POGZ: variants seen among roughly 807,000 people sequenced by gnomAD.
POGZ encodes the protein pogo transposable element with ZNF domain.
A neutral mutation model predicts 134.6 loss-of-function variants in POGZ; 17 were observed. The ratio of observed to expected loss-of-function variants is 0.13; its 90% CI spans 0.09 to 0.19. POGZ has a LOEUF of 0.19. Among genes scored for constraint, POGZ ranks in the 10% least tolerant of loss-of-function variants. The probability of loss-of-function intolerance (pLI) is 1.00; values close to 1 mark genes in which losing one functional copy is unlikely to be tolerated. For synonymous variants in POGZ, 693 were observed against 657.1 expected (o/e 1.05, Z -0.84); for missense variants, 1,306 against 1,769.7 (o/e 0.74, Z 4.70).
chr1:151,433,606 C>CAAAAA (rs57509550), intron 3 of POGZ, among the ~76,000 whole-genome samples: 30 of 81,710 alleles, frequency 3.7e-4, no homozygotes, highest in East Asian at 1.2e-3. Context: ...AATTCCGTCT[C>CAAAAA]AAAAAAAAAA....
At position 151,428,132 on chromosome 1, in the gene POGZ, G is replaced by A. The variant is rs1333607865; in HGVS notation, c.850C>T (p.Pro284Ser). ...TCTTCCGAAGCCTTACCTAGCTTGG[G>A]ATTCGTGGTCTGGTTTGACTGGCCT... Reference protein sequence around the residue: ...SPGQSNQTTNPKLAPSFPSPP... With the variant: ...SPGQSNQTTNSKLAPSFPSPP... The change falls in exon 6 of 19, where the codon CCC becomes TCC. Residue 284 changes from proline to serine, a missense_variant. Coordinates refer to ENST00000271715, the MANE Select transcript of POGZ (RefSeq NM_015100.4). The A allele has an allele frequency of 9.3e-6, 15 of 1,613,970 alleles. No homozygotes were observed. Among genetic ancestry groups the A allele is most frequent in the Non-Finnish European group, 1.3e-5 (15 of 1,179,964 alleles).
intron 1 of POGZ, among the ~76,000 whole-genome samples, chr1:151,443,886 G>A (rs878983382): frequency 6.6e-6 from 1 of 152,130 alleles, no homozygotes; most frequent in Non-Finnish European, 1.5e-5. Context: ...TTTACTGTAA[G>A]GCTCTAAGTG....
At chr1:151,409,199 G>A (rs540066545) in intron 12 of POGZ, among the ~76,000 whole-genome samples, 5 of 152,204 alleles carry the variant, frequency 3.3e-5, no homozygotes, top group Non-Finnish European at 2.9e-5. Flanking sequence ...AAAGGACAAT[G>A]TACATAGTAA....
rs1244179894 is a variant in POGZ, at chr1:151,405,074, G to A, written c.3961C>T (p.Arg1321Cys). Residue 1321 changes from arginine (R) to cysteine (C), a missense_variant, in exon 19 of 19, where the codon CGC becomes TGC. Arg to Cys is a radical substitution (Grantham distance 180). This residue lies in a region of POGZ where 67 missense variants were observed against 105.8 expected (regional missense o/e 0.63). Transcript: ENST00000271715. The surrounding 1 kb of genome is among the most constrained non-coding windows in gnomAD (Gnocchi z 4.9). ...VIGDCPELVQ[R>C]SFLVASVLPG... is the part of the protein sequence containing the mutation. ...AGAACACTAGCCACCAGGAAGGAGC[G>A]CTGAACTAGCTCTGGACAGTCCCCA... 5.0e-6 allele frequency: 8 copies of A among 1,614,076 alleles called. No homozygotes were observed. The highest frequency in any genetic ancestry group is 4.0e-5 in the African/African-American group (3 of 74,912).
At chr1:151,441,189 CA>C (rs1660470685) in intron 2 of POGZ, 103 bp from the exon 3 acceptor site, 1 of 847,918 alleles carries the variant, frequency 1.2e-6, no homozygotes, top group African/African-American at 1.7e-5. Context: ...TCTCTATAGC[CA>C]AAAAGTTTCC....
At chr1:151,425,225 G>C (rs1300578153) in intron 7 of POGZ, 164 bp from the exon 8 acceptor site, 3 of 488,914 alleles carry the variant, frequency 6.1e-6, no homozygotes, top group Middle Eastern at 6.0e-4. Context: ...TTTGAGACAC[G>C]GTCTCTCAGT....
intron 1 of POGZ, among the ~76,000 whole-genome samples, chr1:151,443,422 G>T (rs188939762): frequency 3.9e-5 from 6 of 152,238 alleles, no homozygotes; most frequent in Non-Finnish European, 7.4e-5. Context: ...AGTCTGAGCC[G>T]GGTGCAGTGG....
chr1:151,449,849 T>C (rs1661800296), intron 1 of POGZ, among the ~76,000 whole-genome samples: 1 of 152,152 alleles, frequency 6.6e-6, no homozygotes, highest in Non-Finnish European at 1.5e-5. Flanking sequence ...ACTGCACCAC[T>C]GCACTCCAGC....
chr1:151,408,716 T>C lies in POGZ; in HGVS notation c.2039A>G (p.Glu680Gly). 6.2e-7 allele frequency: 1 copy of C among 1,614,096 alleles called. No homozygotes were observed. The highest frequency in any genetic ancestry group is 1.1e-5 in the South Asian group (1 of 91,072). ...TACCTTGGTGCCTGGTTTCAAGCCC[T>C]CCAGCTGCTTGGGTTTACGGAAGGT... ...HKTFRKPKQL[E>G]GLKPGTKVTI... The change falls in exon 13 of 19, where the codon GAG becomes GGG. Residue 680 changes from glutamate to glycine, a missense_variant. This residue lies in a region of POGZ where 149 missense variants were observed against 237.5 expected (regional missense o/e 0.63). Coordinates refer to ENST00000271715, the MANE Select transcript of POGZ (RefSeq NM_015100.4).
Position 151,404,733 on chromosome 1 carries a change from T to A in POGZ, c.*69A>T. 1.3e-6 allele frequency: 2 copies of A among 1,501,938 alleles called. No homozygotes were observed. Among genetic ancestry groups the A allele is most frequent in the Non-Finnish European group, 1.8e-6 (2 of 1,127,178 alleles). The allele number at this position is 1,501,938 out of a possible 1,614,324, so 93.0% of individuals were successfully genotyped here. A position where few individuals can be genotyped will look rare whatever the true frequency, so the allele number is the denominator to read the frequency against. ...ATACCCCACCTGGTATGCCCCCTTT[T>A]CCCTAAGCCCCTTTACCCTCCCTCA... On this transcript the variant is annotated 3_prime_UTR_variant, in exon 19 of 19. Coordinates refer to ENST00000271715, the MANE Select transcript of POGZ (RefSeq NM_015100.4).
chr1:151,419,453 G>C (rs1012717192), intron 10 of POGZ, among the ~76,000 whole-genome samples: 1 of 151,724 alleles, frequency 6.6e-6, no homozygotes, highest in Non-Finnish European at 1.5e-5. Context: ...TTTGAGACCA[G>C]CCTGGGCAGC....
chr1:151,438,252 A>G (rs371854379), intron 3 of POGZ, among the ~76,000 whole-genome samples: 3 of 152,256 alleles, frequency 2.0e-5, no homozygotes, highest in East Asian at 3.9e-4. Flanking sequence ...TCTGATGAAA[A>G]AAGTTACAGA....
chr1:151,424,404 C>T (rs1657427194), intron 8 of POGZ, 118 bp from the exon 9 acceptor site: 8 of 652,682 alleles, frequency 1.2e-5, no homozygotes, highest in African/African-American at 1.8e-5. Context: ...ATTCAGCTTT[C>T]ACCCTTCAGT....
chr1:151,414,783 A>G (rs941950152), intron 10 of POGZ, among the ~76,000 whole-genome samples: 1 of 152,202 alleles, frequency 6.6e-6, no homozygotes, highest in East Asian at 1.9e-4. Context: ...ACTCCCTCAA[A>G]AAAAAGAAAA....
rs933766865 is a variant in POGZ, at chr1:151,419,559, T to C, written c.1678+3838A>G. The stretch of plus-strand genomic sequence containing the variant: ...TGGCATGTGTCTGTAGTACCAGCTA[T>C]TCAGGAGGCTGAGTTGGGAGGATCA... On this transcript the variant is annotated intron_variant, in intron 10 of 18. Transcript: ENST00000271715. Among the ~76,000 whole-genome samples the C allele has an allele frequency of 2.7e-5, 4 of 148,324 alleles. 1 individual carries two copies. Among genetic ancestry groups the C allele is most frequent in the Non-Finnish European group, 1.5e-5 (1 of 67,410 alleles).
intron 1 of POGZ, among the ~76,000 whole-genome samples, chr1:151,446,991 A>G (rs938154477): frequency 1.3e-5 from 2 of 152,130 alleles, no homozygotes; most frequent in Admixed American, 1.3e-4. Context: ...TTATGCCCCC[A>G]CTTCCCTGTA....
chr1:151,431,529 G>C (rs1343017728), intron 3 of POGZ, among the ~76,000 whole-genome samples: 1 of 152,098 alleles, frequency 6.6e-6, no homozygotes, highest in Non-Finnish European at 1.5e-5. Context: ...AGAAATGCAA[G>C]ATTCTTTAAG....
At position 151,405,756 on chromosome 1, in the gene POGZ, T is replaced by A. The variant is rs567756416; in HGVS notation, c.3279A>T (p.Leu1093=). Residue 1093 remains leucine (L), a synonymous_variant, in exon 19 of 19, where the codon CTA becomes CTT. Coordinates refer to ENST00000271715, the MANE Select transcript of POGZ (RefSeq NM_015100.4). This position sits in a 1 kb window ranked among gnomAD's most constrained non-coding sequence, Gnocchi z 4.9. Reference sequence around the variant, plus strand: ...CTGCATTCTCTGCTACATCCTTAGGTAGGGTGTGGGCCACAGCTCGCCGGG... The same window carrying A: ...CTGCATTCTCTGCTACATCCTTAGGAAGGGTGTGGGCCACAGCTCGCCGGG... ...PHARRAVAHT[L]PKDVAENAGL... 59 of 1,614,076 alleles carry A rather than the reference T, an allele frequency of 3.7e-5. No homozygotes were observed. In the East Asian group the frequency reaches 1.2e-3, roughly 32 times the overall value.
intron 3 of POGZ, among the ~76,000 whole-genome samples, chr1:151,438,079 T>C (rs1659921536): frequency 6.6e-6 from 1 of 151,258 alleles, no homozygotes; most frequent in African/African-American, 2.4e-5. Flanking sequence ...GGCATGGTGG[T>C]GCATGCCTGT....
Sources: allele counts gnomAD v4.1 joint callset (sites outside exome capture counted in the v4.1 genomes callset), GRCh38; gene constraint gnomAD v4.1.1; regional missense constraint gnomAD v4.1.1; non-coding constraint Gnocchi (gnomAD v3.1); transcripts MANE v1.5; gene names NCBI Gene and HGNC (gene_info 2026-07-23, HGNC 2026-07-21).